The following LRFN5 variants were observed in gnomAD, a reference collection of about 807,000 sequenced individuals.
LRFN5 encodes the protein leucine-rich repeat and fibronectin type-III domain-containing protein 5.
In LRFN5, 24 loss-of-function variants were observed where a neutral mutation model predicts 45.6. The observed-to-expected ratio is 0.53, with a 90% confidence interval of 0.38 to 0.74. The LOEUF is 0.74. Among genes scored for constraint, LRFN5 ranks in the 30% least tolerant of loss-of-function variants. The probability of loss-of-function intolerance (pLI) is 0.00; values close to 1 mark genes in which losing one functional copy is unlikely to be tolerated. For missense variants in LRFN5, 776 were observed against 861.5 expected (o/e 0.90, Z 1.24); for synonymous variants, 340 against 313.8 (o/e 1.08, Z -0.88).
chr14:41,838,065 ATG>A (rs1217038695), intron 2 of LRFN5, among the ~76,000 whole-genome samples: 6 of 152,168 alleles, frequency 3.9e-5, no homozygotes, highest in Non-Finnish European at 1.5e-5. Context: ...AGCACAGTGA[ATG>A]TTGTAAAAAG....
At chr14:41,615,653 A>G (rs1887903383) in intron 1 of LRFN5, among the ~76,000 whole-genome samples, 1 of 152,168 alleles carries the variant, frequency 6.6e-6, no homozygotes, top group South Asian at 2.1e-4. Flanking sequence ...CTTTTGGAGC[A>G]GAGAAAGCAA....
At chr14:41,652,076 C>T (rs947272532) in intron 1 of LRFN5, among the ~76,000 whole-genome samples, 4 of 151,718 alleles carry the variant, frequency 2.6e-5, no homozygotes, top group African/African-American at 9.7e-5. Flanking sequence ...GTTAGGACAT[C>T]GACATATGAA....
intron 1 of LRFN5, among the ~76,000 whole-genome samples, chr14:41,722,271 A>G (rs1455820987): frequency 6.6e-6 from 1 of 152,104 alleles, no homozygotes; most frequent in African/African-American, 2.4e-5. Context: ...GGATTGATAT[A>G]GAAGTTTCTC....
intron 2 of LRFN5, among the ~76,000 whole-genome samples, chr14:41,790,338 T>A (rs1165234068): frequency 6.6e-6 from 1 of 151,882 alleles, no homozygotes; most frequent in Non-Finnish European, 1.5e-5. Flanking sequence ...TTCTTAATAT[T>A]ACCAGTGACG....
At chr14:41,709,987 A>T (rs1043455980) in intron 1 of LRFN5, among the ~76,000 whole-genome samples, 3 of 152,034 alleles carry the variant, frequency 2.0e-5, no homozygotes, top group Admixed American at 2.0e-4. Context: ...GCCTGTATTC[A>T]GTTTTTTTTT....
intron 1 of LRFN5, among the ~76,000 whole-genome samples, chr14:41,634,205 C>G (rs1888649195): frequency 6.6e-6 from 1 of 152,060 alleles, no homozygotes; most frequent in South Asian, 2.1e-4. Flanking sequence ...ATAATGAGCT[C>G]CACCACACTT....
chr14:41,659,416 G>A (rs1880528450), intron 1 of LRFN5, among the ~76,000 whole-genome samples: 1 of 152,120 alleles, frequency 6.6e-6, no homozygotes, highest in Admixed American at 6.6e-5. Flanking sequence ...ATTCCATGGT[G>A]TATATGTGCC....
chr14:41,764,968 G>A (rs1422048215), intron 1 of LRFN5, among the ~76,000 whole-genome samples: 2 of 151,992 alleles, frequency 1.3e-5, no homozygotes, highest in African/African-American at 4.8e-5. Flanking sequence ...CTAAGATTAC[G>A]CTTATGGTAG....
intron 4 of LRFN5, among the ~76,000 whole-genome samples, chr14:41,896,959 G>C (rs1890960129): frequency 6.6e-6 from 1 of 151,740 alleles, no homozygotes; most frequent in African/African-American, 2.4e-5. Context: ...GGGTGTGGTG[G>C]CGCGCACCTG....
intron 1 of LRFN5, among the ~76,000 whole-genome samples, chr14:41,737,339 A>G (rs1307018301): frequency 6.6e-6 from 1 of 152,196 alleles, no homozygotes; most frequent in Non-Finnish European, 1.5e-5. Flanking sequence ...CTAGGTACTG[A>G]TGAAACGTAT....
chr14:41,785,559 C>T (rs936772504), intron 2 of LRFN5, among the ~76,000 whole-genome samples: 1 of 152,130 alleles, frequency 6.6e-6, no homozygotes, highest in Non-Finnish European at 1.5e-5. Context: ...GGACCGGTTT[C>T]GTGGAAGGTG....
intron 2 of LRFN5, among the ~76,000 whole-genome samples, chr14:41,795,624 T>G (rs1887095183): frequency 6.6e-6 from 1 of 151,880 alleles, no homozygotes. Flanking sequence ...ATGTCCTTTG[T>G]AGGGACATGG....
rs188191104 is a variant in LRFN5 at position 41,850,115 on chromosome 14, A to T, written c.-20-36491A>T. On this transcript the variant is annotated intron_variant, in intron 2 of 5. Transcript: ENST00000298119. ...TACATGTATGTATAGTGCATGTATA[A>T]TATAGTACATGCATGTATAGTGCAT... 2.8e-3 allele frequency among the ~76,000 whole-genome samples: 427 copies of T among 152,042 alleles called. 3 individuals carry two copies. The highest frequency in any genetic ancestry group is 6.8e-3 in the Middle Eastern group (2 of 294).
intron 2 of LRFN5, among the ~76,000 whole-genome samples, chr14:41,805,360 A>G (rs904272219): frequency 2.0e-5 from 3 of 149,786 alleles, no homozygotes; most frequent in Non-Finnish European, 3.0e-5. Flanking sequence ...TTCTCACAAA[A>G]CTCCTCAGGG....
rs985413761 is a variant in LRFN5 at position 41,753,814 on chromosome 14, G to A, written c.-196-13040G>A. Among the ~76,000 whole-genome samples the A allele has an allele frequency of 4.4e-4, 67 of 152,272 alleles. 1 individual carries two copies. Among genetic ancestry groups the A allele is most frequent in the Middle Eastern group, 6.8e-3 (2 of 294 alleles). ...ACTTCCAACACTATGTTGAATAGGA[G>A]TGGTGAGAGAGGGCATCCCTGTCTT... On this transcript the variant is annotated intron_variant, in intron 1 of 5. Coordinates refer to ENST00000298119, the MANE Select transcript of LRFN5 (RefSeq NM_152447.5).
intron 2 of LRFN5, among the ~76,000 whole-genome samples, chr14:41,861,433 G>A (rs1293573930): frequency 6.6e-6 from 1 of 152,076 alleles, no homozygotes; most frequent in African/African-American, 2.4e-5. Flanking sequence ...TATTCAACAG[G>A]TTAATACATT....
intron 1 of LRFN5, among the ~76,000 whole-genome samples, chr14:41,673,449 A>G (rs1186965691): frequency 8.0e-6 from 1 of 125,478 alleles, no homozygotes; most frequent in Non-Finnish European, 1.7e-5. Context: ...GGGGGGGCTG[A>G]CCCCCCCACC....
At chr14:41,757,484 C>T (rs184993475) in intron 1 of LRFN5, among the ~76,000 whole-genome samples, 49 of 152,372 alleles carry the variant, frequency 3.2e-4, no homozygotes, top group Non-Finnish European at 4.9e-4. Context: ...GCCTCGCTGC[C>T]GCCTTGCAGT....
intron 2 of LRFN5, among the ~76,000 whole-genome samples, chr14:41,850,387 T>C (rs923935393): frequency 7.2e-5 from 11 of 151,758 alleles, no homozygotes; most frequent in African/African-American, 2.7e-4. Flanking sequence ...AATGAATGAA[T>C]TGTTTGAATA....
Sources: gnomAD v4.1 joint callset for allele counts (sites outside exome capture counted in the v4.1 genomes callset) on GRCh38, gnomAD v4.1.1 for gene constraint, MANE v1.5 for transcripts, NCBI Gene and HGNC (gene_info 2026-07-23, HGNC 2026-07-21) for gene names.